AXDND1: variants seen among roughly 807,000 people sequenced by gnomAD.
AXDND1 encodes axonemal dynein light chain domain containing 1.
Under a neutral mutation model 137.5 loss-of-function variants are expected in AXDND1, and 110 were observed. The ratio of observed to expected loss-of-function variants is 0.80; its 90% CI spans 0.69 to 0.94. The LOEUF is 0.94. Ranked by LOEUF, AXDND1 falls within the 40% of genes least tolerant of loss-of-function variation. AXDND1 has a pLI of 0.00. For synonymous variants in AXDND1, 414 were observed against 399.7 expected, an observed-to-expected ratio of 1.04 and a Z score of -0.43; for missense variants, 1,191 against 1,169.8, an observed-to-expected ratio of 1.02 and a Z score of -0.26.
chr1:179,434,687 T>C (rs1657875601), intron 15 of AXDND1, among the ~76,000 whole-genome samples: 1 of 152,166 alleles, frequency 6.6e-6, no homozygotes, highest in East Asian at 1.9e-4. Flanking sequence ...AAACTAGGTA[T>C]TGATAGAACA....
At chr1:179,552,157 GC>G in intron 25 of AXDND1, 1 of 200,836 alleles carries the variant, frequency 5.0e-6, no homozygotes. Flanking sequence ...GAGCCGAGTA[GC>G]ACAGCCTTCT....
chr1:179,371,835 G>A (rs1668069374), intron 4 of AXDND1, among the ~76,000 whole-genome samples: 1 of 152,154 alleles, frequency 6.6e-6, no homozygotes, highest in African/African-American at 2.4e-5. Context: ...TAGAAGTTAG[G>A]AATTCTAATG....
intron 18 of AXDND1, among the ~76,000 whole-genome samples, chr1:179,488,632 CTCCTTT>C (rs1666380767): frequency 1.9e-4 from 12 of 63,160 alleles, no homozygotes; most frequent in Admixed American, 9.9e-4. Flanking sequence ...CTCTCTCTCT[CTCCTTT>C]CTTTCTTTCT....
rs745753385 is a variant in AXDND1 at position 179,379,526 on chromosome 1, G to A, written c.581+44G>A. On this transcript the variant is annotated intron_variant, in intron 6 of 25. Coordinates refer to ENST00000367618, the MANE Select transcript of AXDND1 (RefSeq NM_144696.6). ...AAAAAATACCTGCCCCAGCTCGGTG[G>A]CCCATGCCTGTAATCCCAGCACTTT... The A allele has an allele frequency of 2.5e-6, 4 of 1,602,034 alleles. 1 individual carries two copies. The Admixed American group carries it at 6.8e-5, about 27-fold the overall frequency.
chr1:179,431,149 T>A lies in AXDND1; in HGVS notation c.1487+543T>A, dbSNP rs577530680. Among the ~76,000 whole-genome samples, 212 of 152,250 alleles carry A rather than the reference T, an allele frequency of 1.4e-3. 1 individual carries two copies. Among genetic ancestry groups the A allele is most frequent in the Non-Finnish European group, 2.4e-3 (164 of 68,024 alleles). The stretch of plus-strand genomic sequence containing the variant: ...AAATTTCTTTTTTTAAATTTAATTT[T>A]ATTTTTTTTTGAGACTGGGTCTTAT... On this transcript the variant is annotated intron_variant, in intron 14 of 25. Coordinates refer to ENST00000367618, the MANE Select transcript of AXDND1 (RefSeq NM_144696.6).
chr1:179,467,360 G>T lies in AXDND1; in HGVS notation c.1799-1083G>T, dbSNP rs538695871. ...TTATCCATGTCAGCCCTCTGGATCT[G>T]CGGGTTCTGCATCATCAGATTCAAG... On this transcript the variant is annotated intron_variant, in intron 16 of 25. Transcript: ENST00000367618. Among the ~76,000 whole-genome samples the T allele has an allele frequency of 1.6e-4, 24 of 152,184 alleles. No individual in the cohort carries two copies. The South Asian group carries it at 3.7e-3, about 24-fold the overall frequency.
chr1:179,368,664 TTGTTACTA>T, intron 2 of AXDND1, 128 bp from the exon 3 acceptor site: 1 of 695,416 alleles, frequency 1.4e-6, no homozygotes, highest in Non-Finnish European at 2.3e-6. Context: ...TCAATATTAT[TTGTTACTA>T]TCTTTGTCAA....
chr1:179,405,233 C>G lies in AXDND1; in HGVS notation c.1110-5913C>G, dbSNP rs187168670. On this transcript the variant is annotated intron_variant, in intron 11 of 25. Coordinates refer to ENST00000367618, the MANE Select transcript of AXDND1 (RefSeq NM_144696.6). ...TGATGGTTTCCAGCTTCATCCATGT[C>G]CCTGCAAAGGACATGAACTCATCCT... is the stretch of plus-strand genomic sequence containing the variant. Among the ~76,000 whole-genome samples, 210 of 152,240 alleles carry G rather than the reference C, an allele frequency of 1.4e-3. 2 individuals carry two copies. The highest frequency in any genetic ancestry group is 4.8e-3 in the African/African-American group (199 of 41,550).
chr1:179,413,080 T>G (rs999612120), intron 12 of AXDND1, among the ~76,000 whole-genome samples: 4 of 152,180 alleles, frequency 2.6e-5, no homozygotes, highest in Non-Finnish European at 5.9e-5. Context: ...TACATTGTTT[T>G]TAACACCTTT....
At chr1:179,549,302 T>A (rs1234516276) in intron 25 of AXDND1, among the ~76,000 whole-genome samples, 1 of 152,148 alleles carries the variant, frequency 6.6e-6, no homozygotes. Flanking sequence ...CTAAACACAG[T>A]TTTATAGCAA....
chr1:179,374,786 G>C (rs1668412449), intron 4 of AXDND1, among the ~76,000 whole-genome samples: 1 of 149,198 alleles, frequency 6.7e-6, no homozygotes, highest in African/African-American at 2.5e-5. Context: ...GAGAACACCT[G>C]GACACAGGGT....
At chr1:179,441,573 G>A (rs1263234011) in intron 15 of AXDND1, among the ~76,000 whole-genome samples, 14 of 152,210 alleles carry the variant, frequency 9.2e-5, no homozygotes, top group Admixed American at 9.2e-4. Flanking sequence ...ACGGTATGAG[G>A]AATCTGACGC....
At chr1:179,381,343 AT>A (rs34030931) in intron 6 of AXDND1, among the ~76,000 whole-genome samples, 24,898 of 106,056 alleles carry the variant, frequency 0.23, 2,172 homozygotes, top group Middle Eastern at 0.26. Context: ...CACATGGCTG[AT>A]TTTTTTTTTT....
At chr1:179,459,243 C>T (rs1020573569) in intron 16 of AXDND1, among the ~76,000 whole-genome samples, 2 of 152,150 alleles carry the variant, frequency 1.3e-5, no homozygotes, top group Non-Finnish European at 2.9e-5. Flanking sequence ...CCTCCTGCCT[C>T]AGCCTCCTGA....
chr1:179,396,070 G>A (rs191083062), intron 11 of AXDND1, among the ~76,000 whole-genome samples: 115 of 151,936 alleles, frequency 7.6e-4, no homozygotes, highest in Non-Finnish European at 1.2e-3. Flanking sequence ...GTGGAAGGCT[G>A]AGGCATGAGA....
chr1:179,383,510 G>A lies in AXDND1; in HGVS notation c.707G>A (p.Gly236Asp). The stretch of plus-strand genomic sequence containing the variant: ...ATGGATACTATGCTAGAGAGGGCTG[G>A]TGTGGAAAATCAGGAATATACAGGA... ...DVMDTMLERA[G>D]VENQEYTGPT... Residue 236 changes from glycine (G) to aspartate (D), a missense_variant, in exon 8 of 26, where the codon GGT becomes GAT. By Grantham distance (94) the Gly-to-Asp change is moderately conservative (BLOSUM62 -1). Transcript: ENST00000367618. The A allele has an allele frequency of 1.2e-6, 2 of 1,613,988 alleles. No homozygotes were observed. Among genetic ancestry groups the A allele is most frequent in the Admixed American group, 1.7e-5 (1 of 60,012 alleles).
In AXDND1 at chr1:179,468,578, A is replaced by C. The variant is rs754805060; in HGVS notation, c.1934A>C (p.His645Pro). 1.2e-6 allele frequency: 2 copies of C among 1,612,788 alleles called. No homozygotes were observed. The highest frequency in any genetic ancestry group is 1.7e-6 in the Non-Finnish European group (2 of 1,179,640). The change falls in exon 17 of 26, where the codon CAC (histidine) becomes CCC (proline). Residue 645 changes from histidine to proline, a missense_variant. Transcript: ENST00000367618. ...IDEKINEMKS[H>P]LDILLNLTGI... ...GAAAAAATTAATGAAATGAAATCAC[A>C]CTTGGATATATTGTTAAACCTTACT...
chr1:179,442,961 C>CG (rs1236023313), intron 15 of AXDND1, among the ~76,000 whole-genome samples: 3 of 152,082 alleles, frequency 2.0e-5, no homozygotes, highest in African/African-American at 7.2e-5. Flanking sequence ...CACAGCGCTC[C>CG]ATATGTATTA....
At chr1:179,386,869 T>C (rs1344095290) in intron 9 of AXDND1, among the ~76,000 whole-genome samples, 1 of 152,034 alleles carries the variant, frequency 6.6e-6, no homozygotes, top group Non-Finnish European at 1.5e-5. Context: ...GGGCTACAAG[T>C]GTGTGCCACC....
Sources: gnomAD v4.1 joint callset for allele counts (sites outside exome capture counted in the v4.1 genomes callset) on GRCh38, gnomAD v4.1.1 for gene constraint, MANE v1.5 for transcripts, NCBI Gene and HGNC (gene_info 2026-07-23, HGNC 2026-07-21) for gene names.